Variants in ZMAT4 observed in about 807,000 individuals in gnomAD.
The protein encoded by ZMAT4 is zinc finger matrin-type 4, also known as zinc finger matrin-type protein 4.
ZMAT4 carries 17 observed loss-of-function variants against 28.7 expected under a neutral mutation model. The observed-to-expected ratio is 0.59, with a 90% CI of 0.41 to 0.89. ZMAT4 has a LOEUF of 0.89. Among genes scored for constraint, ZMAT4 ranks in the 40% least tolerant of loss-of-function variants. The pLI is 0.00. For synonymous variants in ZMAT4, 117 were observed against 109.2 expected (o/e 1.07, Z -0.44); for missense variants, 240 against 283.8 (o/e 0.85, Z 1.11).
chr8:40,821,993 CT>C (rs1298818639), intron 2 of ZMAT4, among the ~76,000 whole-genome samples: 1 of 152,184 alleles, frequency 6.6e-6, no homozygotes, highest in Non-Finnish European at 1.5e-5. Context: ...GCCATAATAG[CT>C]CTAAATGATG....
chr8:40,890,749 C>A (rs980565756), intron 1 of ZMAT4, among the ~76,000 whole-genome samples: 1 of 152,156 alleles, frequency 6.6e-6, no homozygotes, highest in African/African-American at 2.4e-5. Flanking sequence ...CCTCCCCTTG[C>A]CCCCAAAACA....
intron 3 of ZMAT4, among the ~76,000 whole-genome samples, chr8:40,708,644 T>A (rs1371444867): frequency 7.8e-6 from 1 of 128,794 alleles, no homozygotes; most frequent in East Asian, 2.1e-4. Context: ...AAAGCAATCT[T>A]GATTTTTTTT....
At chr8:40,655,475 A>T (rs553111265) in intron 5 of ZMAT4, among the ~76,000 whole-genome samples, 27 of 152,052 alleles carry the variant, frequency 1.8e-4, no homozygotes, top group African/African-American at 6.3e-4. Context: ...ATGAAAATTT[A>T]AAAAAACCCA....
intron 6 of ZMAT4, among the ~76,000 whole-genome samples, chr8:40,562,073 G>A (rs917994597): frequency 7.2e-5 from 11 of 152,138 alleles, no homozygotes; most frequent in Admixed American, 3.9e-4. Context: ...TGGACGATAC[G>A]TCTTCTCCCT....
At chr8:40,580,373 A>G (rs1804422743) in intron 6 of ZMAT4, among the ~76,000 whole-genome samples, 1 of 152,124 alleles carries the variant, frequency 6.6e-6, no homozygotes, top group South Asian at 2.1e-4. Context: ...CTCTCGACAA[A>G]TGTTTGTTAA....
At chr8:40,616,882 A>AT (rs1485331379) in intron 5 of ZMAT4, among the ~76,000 whole-genome samples, 4 of 137,534 alleles carry the variant, frequency 2.9e-5, no homozygotes, top group African/African-American at 6.0e-5. Flanking sequence ...AAATTAAAGT[A>AT]TAAAAAAAAA....
intron 6 of ZMAT4, among the ~76,000 whole-genome samples, chr8:40,572,845 G>A (rs1434181582): frequency 6.6e-6 from 1 of 152,126 alleles, no homozygotes; most frequent in African/African-American, 2.4e-5. Context: ...AAAAGACCGT[G>A]TCTGGTTACT....
chr8:40,532,054 A>G lies in ZMAT4; in HGVS notation c.*169T>C. On this transcript the variant is annotated 3_prime_UTR_variant, in exon 7 of 7. Coordinates refer to ENST00000297737, the MANE Select transcript of ZMAT4 (RefSeq NM_024645.3). ...AAATTAAAAAAAGGAAAAAGAAAAA[A>G]GAAACCTCATTCATTTCCAAAAATC... The G allele has an allele frequency of 1.9e-6, 1 of 513,720 alleles. No homozygotes were observed. The highest frequency in any genetic ancestry group is 3.1e-6 in the Non-Finnish European group (1 of 322,478). The allele number at this position is 513,720 out of a possible 1,614,324, so 31.8% of individuals were successfully genotyped here. A position where few individuals can be genotyped will look rare whatever the true frequency, so the allele number is the denominator to read the frequency against.
At chr8:40,839,123 A>T (rs530734780) in intron 1 of ZMAT4, among the ~76,000 whole-genome samples, 31 of 152,152 alleles carry the variant, frequency 2.0e-4, no homozygotes, top group African/African-American at 6.5e-4. Flanking sequence ...TCCTTTGAAG[A>T]ATCACCTTGG....
intron 1 of ZMAT4, 103 bp from the exon 2 acceptor site, chr8:40,825,783 A>ATTGTCAGACC: frequency 1.2e-6 from 1 of 845,094 alleles, no homozygotes; most frequent in Non-Finnish European, 1.8e-6. Context: ...AGGTCTGACA[A>ATTGTCAGACC]TGGTGACAGA....
chr8:40,600,601 A>G (rs571033224), intron 5 of ZMAT4, among the ~76,000 whole-genome samples: 2 of 152,348 alleles, frequency 1.3e-5, no homozygotes, highest in South Asian at 4.1e-4. Context: ...GCCCCAGGAC[A>G]GAGCAGTGAG....
intron 4 of ZMAT4, among the ~76,000 whole-genome samples, chr8:40,677,943 C>G (rs1475232445): frequency 6.6e-6 from 1 of 152,106 alleles, no homozygotes; most frequent in Admixed American, 6.6e-5. Flanking sequence ...ATTAAACTCA[C>G]CAGGCTTTAA....
intron 5 of ZMAT4, among the ~76,000 whole-genome samples, chr8:40,644,962 C>T (rs1807234672): frequency 6.6e-6 from 1 of 152,008 alleles, no homozygotes; most frequent in African/African-American, 2.4e-5. Context: ...TATTAAATCG[C>T]CAACAACAAG....
intron 1 of ZMAT4, among the ~76,000 whole-genome samples, chr8:40,893,508 G>A (rs988415271): frequency 1.3e-5 from 2 of 152,184 alleles, no homozygotes; most frequent in African/African-American, 2.4e-5. Flanking sequence ...CTGGGACACT[G>A]CAGCATGTTT....
chr8:40,608,050 G>T (rs1805662090), intron 5 of ZMAT4, among the ~76,000 whole-genome samples: 1 of 152,142 alleles, frequency 6.6e-6, no homozygotes. Context: ...CATCAGTTGT[G>T]GTAGTATAGG....
chr8:40,564,629 C>T (rs370243606), intron 6 of ZMAT4, among the ~76,000 whole-genome samples: 1 of 152,170 alleles, frequency 6.6e-6, no homozygotes. Flanking sequence ...TTATTGAAAT[C>T]ACATCATAAG....
chr8:40,653,186 CA>C (rs1469500059), intron 5 of ZMAT4, among the ~76,000 whole-genome samples: 4 of 151,648 alleles, frequency 2.6e-5, no homozygotes, highest in Non-Finnish European at 2.9e-5. Flanking sequence ...AAATGGACAG[CA>C]AAAAATATAC....
At chr8:40,776,623 A>G (rs1813606403) in intron 2 of ZMAT4, among the ~76,000 whole-genome samples, 1 of 152,236 alleles carries the variant, frequency 6.6e-6, no homozygotes, top group Non-Finnish European at 1.5e-5. Flanking sequence ...GTTTGGGGAA[A>G]AAAGCACTAT....
At chr8:40,607,918 G>A (rs2589883) in intron 5 of ZMAT4, among the ~76,000 whole-genome samples, 70,268 of 151,822 alleles carry the variant, frequency 0.46, 18,509 homozygotes, top group Non-Finnish European at 0.6. Flanking sequence ...ACCAGCACCC[G>A]CTCCAGTGGA....
Sources: gnomAD v4.1 joint callset for allele counts (sites outside exome capture counted in the v4.1 genomes callset) on GRCh38, gnomAD v4.1.1 for gene constraint, MANE v1.5 for transcripts, NCBI Gene and HGNC (gene_info 2026-07-23, HGNC 2026-07-21) for gene names.